The following DCC variants were observed in gnomAD, a reference collection of about 807,000 sequenced individuals.
DCC encodes the protein netrin receptor DCC.
A neutral mutation model predicts 172.5 loss-of-function variants in DCC; 58 were observed. The ratio of observed to expected loss-of-function variants is 0.34; its 90% CI spans 0.27 to 0.42. The LOEUF is 0.42. DCC is among the 10% of genes least tolerant of loss of function. The probability of loss-of-function intolerance (pLI) is 1.00; values close to 1 mark genes in which losing one functional copy is unlikely to be tolerated. For missense variants in DCC, 1,740 were observed against 1,791.0 expected, an observed-to-expected ratio of 0.97 and a Z score of 0.51; for synonymous variants, 709 against 644.5, an observed-to-expected ratio of 1.10 and a Z score of -1.52.
intron 15 of DCC, among the ~76,000 whole-genome samples, chr18:53,345,188 A>T (rs1254248662): frequency 1.3e-5 from 2 of 151,810 alleles, no homozygotes. Context: ...TAATTTTAGC[A>T]ACTATTTAAA....
chr18:52,544,510 A>G (rs1015420158), intron 1 of DCC, among the ~76,000 whole-genome samples: 1 of 148,750 alleles, frequency 6.7e-6, no homozygotes, highest in African/African-American at 2.5e-5. Context: ...TCCTGCTGTG[A>G]TCAATGCTGA....
intron 7 of DCC, among the ~76,000 whole-genome samples, chr18:53,134,092 G>T (rs1224590795): frequency 2.0e-5 from 3 of 152,150 alleles, no homozygotes; most frequent in African/African-American, 4.8e-5. Context: ...CTGCAAAAAG[G>T]ACAAGTTGAG....
Position 52,549,580 on chromosome 18 carries a change from A to G in DCC, c.92-202474A>G, listed in dbSNP as rs1420517629. Among the ~76,000 whole-genome samples the G allele has an allele frequency of 2.0e-5, 3 of 152,028 alleles. No individual in the cohort carries two copies. In the East Asian group the frequency reaches 5.8e-4, roughly 29 times the overall value. Reference sequence around the variant, plus strand: ...TTCCTGTAGCCTCATTCCTACCACCACTACTAGAGTGAATAATAGAATACT... The same window carrying G: ...TTCCTGTAGCCTCATTCCTACCACCGCTACTAGAGTGAATAATAGAATACT... On this transcript the variant is annotated intron_variant, in intron 1 of 28. Coordinates refer to ENST00000442544, the MANE Select transcript of DCC (RefSeq NM_005215.4).
At chr18:53,282,111 A>T (rs2056879590) in intron 12 of DCC, among the ~76,000 whole-genome samples, 1 of 152,158 alleles carries the variant, frequency 6.6e-6, no homozygotes, top group Admixed American at 6.6e-5. Context: ...TAAATATCAT[A>T]TGTAATTCAC....
chr18:52,717,526 G>A (rs1487787575), intron 1 of DCC, among the ~76,000 whole-genome samples: 1 of 150,230 alleles, frequency 6.7e-6, no homozygotes, highest in Non-Finnish European at 1.5e-5. Flanking sequence ...TCTCACTGTG[G>A]CAGCAGATAC....
intron 1 of DCC, among the ~76,000 whole-genome samples, chr18:52,688,626 T>A (rs1400301030): frequency 2.6e-5 from 4 of 151,970 alleles, no homozygotes; most frequent in Non-Finnish European, 5.9e-5. Context: ...AATGAGTAGG[T>A]TTTAGCTGCC....
intron 1 of DCC, among the ~76,000 whole-genome samples, chr18:52,673,198 C>G (rs947316276): frequency 1.1e-4 from 16 of 152,204 alleles, no homozygotes; most frequent in African/African-American, 3.9e-4. Flanking sequence ...AAAAGTCCCT[C>G]CCATTTTTAA....
intron 12 of DCC, among the ~76,000 whole-genome samples, chr18:53,268,859 G>A (rs1322514655): frequency 3.0e-4 from 45 of 152,178 alleles, no homozygotes; most frequent in Admixed American, 2.9e-3. Context: ...GAACTGTAGG[G>A]AATGAGGATG....
intron 1 of DCC, among the ~76,000 whole-genome samples, chr18:52,747,729 T>C (rs1599070317): frequency 1.3e-5 from 2 of 152,182 alleles, no homozygotes; most frequent in African/African-American, 4.8e-5. Flanking sequence ...TAAAATTATT[T>C]TATATTAAGA....
At chr18:52,986,029 G>T (rs1394863467) in intron 5 of DCC, among the ~76,000 whole-genome samples, 1 of 152,010 alleles carries the variant, frequency 6.6e-6, no homozygotes, top group Non-Finnish European at 1.5e-5. Flanking sequence ...TTTTCTCAAG[G>T]TTTTTAGTAA....
intron 27 of DCC, among the ~76,000 whole-genome samples, chr18:53,515,615 A>G (rs2046323992): frequency 6.9e-6 from 1 of 144,940 alleles, no homozygotes; most frequent in Admixed American, 7.0e-5. Flanking sequence ...AGGATACAAA[A>G]TCAATGTACA....
intron 2 of DCC, among the ~76,000 whole-genome samples, chr18:52,822,516 A>G (rs1407756026): frequency 6.6e-6 from 1 of 152,230 alleles, no homozygotes; most frequent in Non-Finnish European, 1.5e-5. Flanking sequence ...CTAACATACC[A>G]GAAACACATG....
intron 21 of DCC, among the ~76,000 whole-genome samples, chr18:53,434,794 G>A (rs1911833765): frequency 6.6e-6 from 1 of 152,144 alleles, no homozygotes; most frequent in African/African-American, 2.4e-5. Context: ...GCCAGGACCT[G>A]AGTTATTTCT....
At chr18:52,990,548 A>G (rs1299045047) in intron 5 of DCC, among the ~76,000 whole-genome samples, 2 of 100,832 alleles carry the variant, frequency 2.0e-5, no homozygotes, top group Admixed American at 1.7e-4. Flanking sequence ...CCCAAAAAAA[A>G]AAAAAAAAAA....
rs1182923700 is a variant in DCC at position 52,416,914 on chromosome 18, T to C, written c.91+76036T>C. On this transcript the variant is annotated intron_variant, in intron 1 of 28. Coordinates refer to ENST00000442544, the MANE Select transcript of DCC (RefSeq NM_005215.4). ...TTATGTGTGAATTTGATCCTGTCAT[T>C]ATGATGTTAGCTGGTTATTTTGCTC... Among the ~76,000 whole-genome samples the C allele has an allele frequency of 1.3e-5, 2 of 152,024 alleles. 1 individual carries two copies. Among genetic ancestry groups the C allele is most frequent in the Admixed American group, 1.3e-4 (2 of 15,266 alleles).
chr18:53,132,054 C>G (rs1462414459), intron 7 of DCC, among the ~76,000 whole-genome samples: 5 of 132,948 alleles, frequency 3.8e-5, no homozygotes, highest in Non-Finnish European at 6.2e-5. Context: ...AGATAGCAAG[C>G]TTTTTAGACA....
At position 53,211,492 on chromosome 18, in the gene DCC, G is replaced by C. The variant is rs535512025; in HGVS notation, c.1861+3675G>C. 1.1e-4 allele frequency among the ~76,000 whole-genome samples: 16 copies of C among 152,324 alleles called. No homozygotes were observed. The South Asian group carries it at 3.1e-3, about 30-fold the overall frequency. On this transcript the variant is annotated intron_variant, in intron 11 of 28. Coordinates refer to ENST00000442544, the MANE Select transcript of DCC (RefSeq NM_005215.4). ...TAATCCCAGCACTGTGGGAGGCCCAGGCGGGCAGATCACAAGGTCAGGAGA... is the reference window on the plus strand; with the variant it reads ...TAATCCCAGCACTGTGGGAGGCCCACGCGGGCAGATCACAAGGTCAGGAGA...
intron 1 of DCC, among the ~76,000 whole-genome samples, chr18:52,734,142 T>A (rs529416630): frequency 1.6e-4 from 25 of 152,220 alleles, no homozygotes; most frequent in African/African-American, 6.0e-4. Flanking sequence ...AAATATATAT[T>A]ATTTTTATTT....
At chr18:52,609,856 A>G (rs1266445827) in intron 1 of DCC, among the ~76,000 whole-genome samples, 1 of 151,984 alleles carries the variant, frequency 6.6e-6, no homozygotes, top group Admixed American at 6.6e-5. Context: ...CCCATAAAAC[A>G]GGAGCTAAGT....
Sources: allele counts gnomAD v4.1 joint callset (sites outside exome capture counted in the v4.1 genomes callset), GRCh38; gene constraint gnomAD v4.1.1; transcripts MANE v1.5; gene names NCBI Gene and HGNC (gene_info 2026-07-23, HGNC 2026-07-21).